The following HFE variants were observed in gnomAD, a reference collection of about 807,000 sequenced individuals.
The protein encoded by HFE is hereditary hemochromatosis protein.
Under a neutral mutation model 40.9 loss-of-function variants are expected in HFE, and 36 were observed. The observed-to-expected ratio is 0.88, with a 90% CI of 0.67 to 1.16. The LOEUF is 1.16. Ranked by LOEUF, HFE falls within the 50% of genes most tolerant of loss-of-function variation. The pLI is 0.00. For missense variants in HFE, 376 were observed against 432.0 expected, an observed-to-expected ratio of 0.87 and a Z score of 1.15; for synonymous variants, 157 against 165.4, an observed-to-expected ratio of 0.95 and a Z score of 0.39.
chr6:26,087,973 C>T (rs566465054), intron 1 of HFE, among the ~76,000 whole-genome samples: 1 of 152,320 alleles, frequency 6.6e-6, no homozygotes, highest in East Asian at 1.9e-4. Context: ...ACAGCAGGAT[C>T]CGCACGGGGT....
chr6:26,092,775 C>T lies in HFE; in HGVS notation c.707C>T (p.Thr236Ile), dbSNP rs557062229. 1.1e-5 allele frequency: 18 copies of T among 1,614,230 alleles called. No individual in the cohort carries two copies. In the South Asian group the frequency reaches 1.6e-4, roughly 15 times the overall value. Residue 236 changes from threonine to isoleucine, a missense_variant, in exon 4 of 6, where the codon ACC becomes ATC. Physicochemically the swap from Thr to Ile is moderately conservative, Grantham distance 89. Coordinates refer to ENST00000357618, the MANE Select transcript of HFE (RefSeq NM_000410.4). ...TTGAACTACTACCCCCAGAACATCA[C>T]CATGAAGTGGCTGAAGGATAAGCAG... ...RALNYYPQNI[T>I]MKWLKDKQPM...
At position 26,097,104 on chromosome 6, in the gene HFE, TATAAGGC is replaced by T. The variant is rs1317978208; in HGVS notation, c.*2879_*2885del. On this transcript the variant is annotated 3_prime_UTR_variant, in exon 6 of 6. Transcript: ENST00000357618. ...TCTTACTATACTGAAAGCAGACTGC[TATAAGGC>T]TTCACTTACTCTTCTACCTCATAAG... 6.4e-6 allele frequency: 1 copy of T among 155,870 alleles called. No individual in the cohort carries two copies. Among genetic ancestry groups the T allele is most frequent in the East Asian group, 1.9e-4 (1 of 5,270 alleles). 9.7% of individuals were successfully genotyped at this position (155,870 alleles called of 1,614,324 possible). A position where few individuals can be genotyped will look rare whatever the true frequency, so the allele number is the denominator to read the frequency against.
chr6:26,094,470 A>G lies in HFE; in HGVS notation c.*244A>G, dbSNP rs1327954099. 1.4e-6 allele frequency: 1 copy of G among 703,208 alleles called. No homozygotes were observed. The highest frequency in any genetic ancestry group is 1.5e-5 in the South Asian group (1 of 67,590). 43.6% of individuals were successfully genotyped at this position (703,208 alleles called of 1,614,324 possible). A position where few individuals can be genotyped will look rare whatever the true frequency, so the allele number is the denominator to read the frequency against. ...TCTCCCCTGGAACTGTCTCTCATGAACCTCAAGCTGCATCTAGAGGCTTCC... is the reference window on the plus strand; with the variant it reads ...TCTCCCCTGGAACTGTCTCTCATGAGCCTCAAGCTGCATCTAGAGGCTTCC... On this transcript the variant is annotated 3_prime_UTR_variant, in exon 6 of 6. Transcript: ENST00000357618.
At position 26,096,459 on chromosome 6, in the gene HFE, C is replaced by A. The variant is rs917108837; in HGVS notation, c.*2233C>A. The A allele has an allele frequency of 1.5e-5, 7 of 456,102 alleles. No homozygotes were observed. The highest frequency in any genetic ancestry group is 4.0e-5 in the African/African-American group (2 of 49,998). The allele number at this position is 456,102 out of a possible 1,614,324, so 28.3% of individuals were successfully genotyped here. On this transcript the variant is annotated 3_prime_UTR_variant, in exon 6 of 6. Transcript: ENST00000357618. ...GTCAAAAGAGTCTTAATATATATAT[C>A]CAGATGGCATGTGTTTACTTTATGT...
chr6:26,091,359 A>T lies in HFE; in HGVS notation c.386A>T (p.Asp129Val). 6 of 1,614,150 alleles carry T rather than the reference A, an allele frequency of 3.7e-6. No individual in the cohort carries two copies. The highest frequency in any genetic ancestry group is 5.1e-6 in the Non-Finnish European group (6 of 1,180,014). ...QVILGCEMQE[D>V]NSTEGYWKYG... Reference sequence around the variant, plus strand: ...ATCCTGGGCTGTGAAATGCAAGAAGACAACAGTACCGAGGGCTACTGGAAG... The same window carrying T: ...ATCCTGGGCTGTGAAATGCAAGAAGTCAACAGTACCGAGGGCTACTGGAAG... Residue 129 changes from aspartate to valine, a missense_variant, in exon 3 of 6, where the codon GAC (aspartate) becomes GTC (valine). This residue lies in a region of HFE where 200 missense variants were observed against 228.5 expected (regional missense o/e 0.88). Coordinates refer to ENST00000357618, the MANE Select transcript of HFE (RefSeq NM_000410.4).
At chr6:26,093,288 A>G in intron 5 of HFE, 56 bp downstream of exon 5, 1 of 1,236,346 alleles carries the variant, frequency 8.1e-7, no homozygotes, top group Non-Finnish European at 1.2e-6. Flanking sequence ...GCACAGTGGG[A>G]AGAGGGGCAG....
chr6:26,088,879 G>A (rs561923419), intron 1 of HFE, among the ~76,000 whole-genome samples: 1 of 152,142 alleles, frequency 6.6e-6, no homozygotes, highest in Non-Finnish European at 1.5e-5. Flanking sequence ...TCTAGTGGGA[G>A]AGATGACAAT....
At chr6:26,088,571 A>C (rs532457502) in intron 1 of HFE, among the ~76,000 whole-genome samples, 1 of 152,296 alleles carries the variant, frequency 6.6e-6, no homozygotes, top group East Asian at 1.9e-4. Context: ...CAGCACTTTG[A>C]GTTTTGGTAC....
intron 1 of HFE, 39 bp downstream of exon 1, chr6:26,087,555 G>C (rs372479417): frequency 6.3e-6 from 10 of 1,578,050 alleles, no homozygotes; most frequent in South Asian, 5.5e-5. Context: ...GGGCGCGGCG[G>C]GGGTGGAAAA....
At position 26,096,430 on chromosome 6, in the gene HFE, A is replaced by G. The variant is rs112450320; in HGVS notation, c.*2204A>G. ...ATTACAGGTGTGAGCCACCCTGCCC[A>G]GCCGTCAAAAGAGTCTTAATATATA... On this transcript the variant is annotated 3_prime_UTR_variant, in exon 6 of 6. Transcript: ENST00000357618. The G allele has an allele frequency of 3.2e-3, 1,451 of 455,482 alleles. 11 individuals are homozygous for G. The highest frequency in any genetic ancestry group is 0.014 in the African/African-American group (687 of 50,134). 28.2% of individuals were successfully genotyped at this position (455,482 alleles called of 1,614,324 possible).
At chr6:26,093,758 G>T (rs1762889547) in intron 5 of HFE, among the ~76,000 whole-genome samples, 1 of 151,936 alleles carries the variant, frequency 6.6e-6, no homozygotes, top group South Asian at 2.1e-4. Context: ...GGCATACTGG[G>T]AGATTAGAAA....
chr6:26,091,503 G>C lies in HFE; in HGVS notation c.530G>C (p.Arg177Thr). The change falls in exon 3 of 6, where the codon AGG (arginine) becomes ACG (threonine). Residue 177 changes from arginine to threonine, a missense_variant. Transcript: ENST00000357618. ...LEWERHKIRA[R>T]QNRAYLERDC... ...TGGGAAAGGCACAAGATTCGGGCCA[G>C]GCAGAACAGGGCCTACCTGGAGAGG... is the stretch of plus-strand genomic sequence containing the variant. 1 of 1,614,150 alleles carries C rather than the reference G, an allele frequency of 6.2e-7. No individual in the cohort carries two copies. The highest frequency in any genetic ancestry group is 8.5e-7 in the Non-Finnish European group (1 of 1,180,010).
intron 1 of HFE, among the ~76,000 whole-genome samples, chr6:26,088,660 A>T (rs1273498895): frequency 6.6e-6 from 1 of 152,182 alleles, no homozygotes; most frequent in South Asian, 2.1e-4. Context: ...TCAATGGTAC[A>T]CTGGGCTTTG....
In HFE at chr6:26,095,307, G is replaced by T. The variant is rs1286527124; in HGVS notation, c.*1081G>T. ...GATCGAGACCATCCTGGCTAACATG[G>T]TGAAACCCCATCTCTAATAAAAATA... On this transcript the variant is annotated 3_prime_UTR_variant, in exon 6 of 6. Coordinates refer to ENST00000357618, the MANE Select transcript of HFE (RefSeq NM_000410.4). The T allele has an allele frequency of 6.6e-6, 1 of 152,120 alleles. No individual in the cohort carries two copies. Among genetic ancestry groups the T allele is most frequent in the South Asian group, 2.1e-4 (1 of 4,818 alleles). The allele number at this position is 152,120 out of a possible 1,614,324, so 9.4% of individuals were successfully genotyped here.
intron 4 of HFE, 56 bp downstream of exon 4, chr6:26,093,016 T>C: frequency 6.2e-7 from 1 of 1,613,604 alleles, no homozygotes; most frequent in South Asian, 1.1e-5. Context: ...TTGAGAGGAG[T>C]GCCTGAGGAG....
In HFE at chr6:26,094,974, C is replaced by G. The variant is rs796707550; in HGVS notation, c.*748C>G. The stretch of plus-strand genomic sequence containing the variant: ...ACAGATTTGCAAAGTTTAATGGTGC[C>G]TTCATTTGGGATGCTACTCTAGTAT... On this transcript the variant is annotated 3_prime_UTR_variant, in exon 6 of 6. Coordinates refer to ENST00000357618, the MANE Select transcript of HFE (RefSeq NM_000410.4). 2.5e-5 allele frequency: 4 copies of G among 157,690 alleles called. No homozygotes were observed. Among genetic ancestry groups the G allele is most frequent in the African/African-American group, 9.6e-5 (4 of 41,532 alleles). 9.8% of individuals were successfully genotyped at this position (157,690 alleles called of 1,614,324 possible).
chr6:26,087,568 C>A, intron 1 of HFE, 52 bp downstream of exon 1: 1 of 1,498,706 alleles, frequency 6.7e-7, no homozygotes, highest in South Asian at 1.1e-5. Flanking sequence ...GTGGAAAAAT[C>A]GAAACTAGCT....
chr6:26,096,845 T>C lies in HFE; in HGVS notation c.*2619T>C. On this transcript the variant is annotated 3_prime_UTR_variant, in exon 6 of 6. Transcript: ENST00000357618. ...TTGTATTGTATACTGCATGATTTTA[T>C]TGAAGTTCTTGTTCATCTTGTGTAT... The C allele has an allele frequency of 3.5e-6, 1 of 286,160 alleles. No individual in the cohort carries two copies. The allele number at this position is 286,160 out of a possible 1,614,324, so 17.7% of individuals were successfully genotyped here.
chr6:26,088,870 C>T (rs9366637), intron 1 of HFE, among the ~76,000 whole-genome samples: 16,349 of 151,970 alleles, frequency 0.11, 1,582 homozygotes, highest in East Asian at 0.53. Context: ...ATTTTGCATT[C>T]TAGTGGGAGA....
Sources: gnomAD v4.1 joint callset for allele counts (sites outside exome capture counted in the v4.1 genomes callset) on GRCh38, gnomAD v4.1.1 for gene constraint, gnomAD v4.1.1 regional missense constraint, MANE v1.5 for transcripts, NCBI Gene and HGNC (gene_info 2026-07-23, HGNC 2026-07-21) for gene names.